Variants in MYO1D observed in about 807,000 individuals in gnomAD.
MYO1D encodes the protein myosin ID, also known as unconventional myosin-Id.
Under a neutral mutation model 122.0 loss-of-function variants are expected in MYO1D, and 83 were observed. That is an observed-to-expected ratio of 0.68 (90% CI 0.57 to 0.82). The LOEUF (loss-of-function observed/expected upper bound fraction) is 0.82, where lower values mean the gene tolerates loss of function less well. MYO1D is among the 40% of genes least tolerant of loss of function. MYO1D has a pLI of 0.00. For missense variants in MYO1D, 1,157 were observed against 1,269.5 expected (o/e 0.91, Z 1.35); for synonymous variants, 464 against 446.9 (o/e 1.04, Z -0.48).
At chr17:32,793,009 T>C (rs1194076833) in intron 1 of MYO1D, among the ~76,000 whole-genome samples, 1 of 152,082 alleles carries the variant, frequency 6.6e-6, no homozygotes, top group African/African-American at 2.4e-5. Flanking sequence ...CTAGTAAGTG[T>C]CCATGTGCCA....
chr17:32,806,813 T>C (rs2090517799), intron 1 of MYO1D, among the ~76,000 whole-genome samples: 1 of 152,238 alleles, frequency 6.6e-6, no homozygotes, highest in Admixed American at 6.5e-5. Flanking sequence ...CCTTGCTTGT[T>C]CACCATGAAT....
chr17:32,677,620 T>G lies in MYO1D; in HGVS notation c.2122-18282A>C, dbSNP rs975380388. Reference sequence around the variant, plus strand: ...ATATATATATATATATATATATATATATGCACACAGACATATAAATACATT... The same window carrying G: ...ATATATATATATATATATATATATAGATGCACACAGACATATAAATACATT... On this transcript the variant is annotated intron_variant, in intron 16 of 21. Coordinates refer to ENST00000318217, the MANE Select transcript of MYO1D (RefSeq NM_015194.3). 6.8e-4 allele frequency among the ~76,000 whole-genome samples: 82 copies of G among 121,368 alleles called. 1 individual carries two copies. Among genetic ancestry groups the G allele is most frequent in the African/African-American group, 2.5e-3 (78 of 30,728 alleles). 79.6% of individuals were successfully genotyped at this position (121,368 alleles called of 152,430 possible).
chr17:32,664,399 C>T (rs1054515250), intron 16 of MYO1D, among the ~76,000 whole-genome samples: 2 of 152,068 alleles, frequency 1.3e-5, no homozygotes, highest in Admixed American at 6.5e-5. Context: ...AAGGACTGTG[C>T]CTGATGACAA....
intron 16 of MYO1D, among the ~76,000 whole-genome samples, chr17:32,683,357 G>T (rs1360919850): frequency 1.3e-5 from 2 of 152,134 alleles, no homozygotes; most frequent in Non-Finnish European, 2.9e-5. Flanking sequence ...TTTCTGTTCT[G>T]TTTTTTCCCC....
rs71144833 is a variant in MYO1D at position 32,532,723 on chromosome 17, C to CAAA, written c.2865-37811_2865-37809dup. ...TGGGCGACAGAGTGAGACTCCGTCT[C>CAAA]AAAAAAAAAAAAAAAAAAAACCAAA... On this transcript the variant is annotated intron_variant, in intron 21 of 21. Transcript: ENST00000318217. Among the ~76,000 whole-genome samples, 18 of 99,636 alleles carry CAAA rather than the reference C, an allele frequency of 1.8e-4. 1 individual carries two copies. The highest frequency in any genetic ancestry group is 3.6e-4 in the South Asian group (1 of 2,780). 65.4% of individuals were successfully genotyped at this position (99,636 alleles called of 152,430 possible).
At chr17:32,511,107 C>T (rs995509385) in intron 21 of MYO1D, among the ~76,000 whole-genome samples, 2 of 152,210 alleles carry the variant, frequency 1.3e-5, no homozygotes, top group African/African-American at 4.8e-5. Context: ...GAAGTGGGCT[C>T]TGGAGCCTTG....
At chr17:32,544,666 T>C (rs1473006090) in intron 21 of MYO1D, among the ~76,000 whole-genome samples, 3 of 152,214 alleles carry the variant, frequency 2.0e-5, no homozygotes, top group African/African-American at 7.2e-5. Context: ...CTAGATGTTT[T>C]GGAAAGTAGG....
chr17:32,511,812 A>G (rs1189959489), intron 21 of MYO1D, among the ~76,000 whole-genome samples: 3 of 152,178 alleles, frequency 2.0e-5, no homozygotes, highest in Non-Finnish European at 2.9e-5. Flanking sequence ...GACGATTTTT[A>G]GTGGTTTGTC....
At chr17:32,552,317 T>C (rs1423752936) in intron 21 of MYO1D, among the ~76,000 whole-genome samples, 1 of 152,198 alleles carries the variant, frequency 6.6e-6, no homozygotes, top group Non-Finnish European at 1.5e-5. Context: ...GTTCAAATAA[T>C]TGGCCCACCT....
intron 21 of MYO1D, among the ~76,000 whole-genome samples, chr17:32,598,327 T>C (rs143641195): frequency 0.011 from 1,689 of 152,232 alleles, 30 homozygotes; most frequent in African/African-American, 0.036. Flanking sequence ...TGAGCCAAGA[T>C]TGCACCACTG....
intron 3 of MYO1D, among the ~76,000 whole-genome samples, 185 bp downstream of exon 3, chr17:32,778,295 G>A (rs1289341371): frequency 6.6e-6 from 1 of 152,192 alleles, no homozygotes; most frequent in Non-Finnish European, 1.5e-5. Context: ...AATGGATACA[G>A]TGAAATAAAT....
rs1004966338 is a variant in MYO1D, at chr17:32,810,281, A to G, written c.96-29497T>C. Among the ~76,000 whole-genome samples, 3 of 152,156 alleles carry G rather than the reference A, an allele frequency of 2.0e-5. No homozygotes were observed. The South Asian group carries it at 6.2e-4, about 32-fold the overall frequency. ...GGTGGCAAGAGAAACAGAAGCGCAG[A>G]TACAAAGAGTTCTAAGGGTGACCCT... On this transcript the variant is annotated intron_variant, in intron 1 of 21. Transcript: ENST00000318217.
At chr17:32,704,825 A>T (rs972474894) in intron 16 of MYO1D, among the ~76,000 whole-genome samples, 7 of 152,224 alleles carry the variant, frequency 4.6e-5, no homozygotes, top group African/African-American at 1.7e-4. Context: ...AATATGCAAT[A>T]AATGTGTAGA....
chr17:32,546,536 C>A (rs1234827543), intron 21 of MYO1D, among the ~76,000 whole-genome samples: 1 of 152,232 alleles, frequency 6.6e-6, no homozygotes, highest in Non-Finnish European at 1.5e-5. Context: ...CTCTTCTGTG[C>A]CGGTTGTCTT....
intron 1 of MYO1D, among the ~76,000 whole-genome samples, chr17:32,859,409 A>G (rs1189031160): frequency 6.6e-6 from 1 of 152,150 alleles, no homozygotes; most frequent in Non-Finnish European, 1.5e-5. Flanking sequence ...TCAGGTCCTC[A>G]TGCATTGGCC....
intron 19 of MYO1D, among the ~76,000 whole-genome samples, chr17:32,642,834 T>C (rs1330839253): frequency 7.2e-5 from 11 of 152,210 alleles, no homozygotes; most frequent in Admixed American, 5.2e-4. Flanking sequence ...GCTGAGACCA[T>C]GGGGTTTTCT....
rs1555624615 is a variant in MYO1D at position 32,546,909 on chromosome 17, C to CA, written c.2865-51995_2865-51994insT. 6.5e-5 allele frequency among the ~76,000 whole-genome samples: 9 copies of CA among 138,470 alleles called. No homozygotes were observed. In the South Asian group the frequency reaches 1.2e-3, roughly 18 times the overall value. 90.8% of individuals were successfully genotyped at this position (138,470 alleles called of 152,430 possible). A position where few individuals can be genotyped will look rare whatever the true frequency, so the allele number is the denominator to read the frequency against. On this transcript the variant is annotated intron_variant, in intron 21 of 21. Transcript: ENST00000318217. ...CTGGCCAAGTCACAAAAATAAGAAC[C>CA]TTTTTTTTTTTTTTTTAGAGACAGG...
intron 8 of MYO1D, among the ~76,000 whole-genome samples, chr17:32,761,097 C>G (rs1162880537): frequency 6.6e-6 from 1 of 152,158 alleles, no homozygotes; most frequent in Non-Finnish European, 1.5e-5. Flanking sequence ...GGTTGAAATT[C>G]CCTGAGAATC....
At chr17:32,816,160 G>A (rs2090611779) in intron 1 of MYO1D, among the ~76,000 whole-genome samples, 2 of 152,196 alleles carry the variant, frequency 1.3e-5, no homozygotes, top group African/African-American at 2.4e-5. Context: ...GCGTCTGGGA[G>A]TGAAAAGGGC....
Sources: allele counts gnomAD v4.1 joint callset (sites outside exome capture counted in the v4.1 genomes callset), GRCh38; gene constraint gnomAD v4.1.1; transcripts MANE v1.5; gene names NCBI Gene and HGNC (gene_info 2026-07-23, HGNC 2026-07-21).